The following DNAI3 variants were observed in gnomAD, a reference collection of about 807,000 sequenced individuals.
DNAI3 encodes the protein dynein axonemal intermediate chain 3, also known as WD repeat domain 63.
Under a neutral mutation model 115.5 loss-of-function variants are expected in DNAI3, and 83 were observed. The ratio of observed to expected loss-of-function variants is 0.72; its 90% CI spans 0.60 to 0.86. The LOEUF (loss-of-function observed/expected upper bound fraction) is 0.86. Ranked by LOEUF, DNAI3 falls within the 40% of genes least tolerant of loss-of-function variation. The pLI is 0.00. For synonymous variants in DNAI3, 320 were observed against 347.0 expected (o/e 0.92, Z 0.86); for missense variants, 1,004 against 1,075.8 (o/e 0.93, Z 0.93).
chr1:85,090,131 T>C lies in DNAI3; in HGVS notation c.756T>C (p.Asn252=), dbSNP rs1320739761. The change falls in exon 8 of 23, where the codon AAT becomes AAC. Residue 252 remains asparagine, a synonymous_variant. Transcript: ENST00000294664. ...STQTKWTYPK[N]ATTQYYPREF... ...AATATATTAGGACATATCCTAAAAA[T>C]GCTACTACGCAATATTATCCAAGAG... 1 of 1,558,714 alleles carries C rather than the reference T, an allele frequency of 6.4e-7. No homozygotes were observed. The highest frequency in any genetic ancestry group is 8.6e-7 in the Non-Finnish European group (1 of 1,156,174).
In DNAI3 at chr1:85,098,409, T is replaced by C; in HGVS notation, c.1351-121T>C. 7 of 1,175,146 alleles carry C rather than the reference T, an allele frequency of 6.0e-6. No homozygotes were observed. In the South Asian group the frequency reaches 1.1e-4, roughly 19 times the overall value. 72.8% of individuals were successfully genotyped at this position (1,175,146 alleles called of 1,614,324 possible). A position where few individuals can be genotyped will look rare whatever the true frequency, so the allele number is the denominator to read the frequency against. On this transcript the variant is annotated intron_variant, in intron 12 of 22. Coordinates refer to ENST00000294664, the MANE Select transcript of DNAI3 (RefSeq NM_145172.5). ...TATGATATAGAGAAACACTAATTTA[T>C]GTTTTTCCTTGAACTGGTATATCTC...
chr1:85,071,757 A>G (rs1654283239), intron 1 of DNAI3, among the ~76,000 whole-genome samples, 171 bp from the exon 2 acceptor site: 1 of 152,246 alleles, frequency 6.6e-6, no homozygotes, highest in Admixed American at 6.5e-5. Context: ...TGTTGTTGCA[A>G]TAAGCCTTTG....
chr1:85,064,236 C>T (rs1310891796), intron 1 of DNAI3, among the ~76,000 whole-genome samples: 2 of 151,972 alleles, frequency 1.3e-5, no homozygotes, highest in African/African-American at 2.4e-5. Flanking sequence ...ATGTTAAAGA[C>T]CTGAACCAGA....
chr1:85,071,820 CT>C (rs1654285366), intron 1 of DNAI3, 107 bp from the exon 2 acceptor site: 2 of 1,160,378 alleles, frequency 1.7e-6, no homozygotes, highest in African/African-American at 1.6e-5. Flanking sequence ...CAGGGTAAAT[CT>C]TAGAAAACAT....
chr1:85,103,222 C>T (rs1655381124), intron 13 of DNAI3, among the ~76,000 whole-genome samples: 1 of 152,146 alleles, frequency 6.6e-6, no homozygotes, highest in African/African-American at 2.4e-5. Context: ...CATGCGTTTC[C>T]CTCTCAGTTC....
At chr1:85,121,854 T>C (rs766474984) in intron 18 of DNAI3, 40 bp downstream of exon 18, 10 of 1,604,648 alleles carry the variant, frequency 6.2e-6, no homozygotes, top group Non-Finnish European at 7.7e-6. Context: ...AAGATGTTCC[T>C]TTTAATTTAA....
chr1:85,132,613 C>A lies in DNAI3; in HGVS notation c.2533-242C>A, dbSNP rs532057957. On this transcript the variant is annotated intron_variant, in intron 22 of 22. Transcript: ENST00000294664. ...GAAACAAGAGTTATAGGGAAGAAGG[C>A]CGGAAAAAGGGACTTTTTTTTGAGA... Among the ~76,000 whole-genome samples, 3 of 151,420 alleles carry A rather than the reference C, an allele frequency of 2.0e-5. No individual in the cohort carries two copies. The South Asian group carries it at 6.3e-4, about 32-fold the overall frequency.
Position 85,121,763 on chromosome 1 carries a change from A to G in DNAI3, c.1930A>G (p.Ile644Val), listed in dbSNP as rs1360399222. Residue 644 changes from isoleucine (I) to valine (V), a missense_variant, in exon 18 of 23, where the codon ATA (isoleucine) becomes GTA (valine). Coordinates refer to ENST00000294664, the MANE Select transcript of DNAI3 (RefSeq NM_145172.5). ...FFVGTEEGEV[I>V]YTDWKMEKDP... Reference sequence around the variant, plus strand: ...GTAATATTTTTAGGAAGGCGAAGTGATATACACAGATTGGAAAATGGAAAA... The same window carrying G: ...GTAATATTTTTAGGAAGGCGAAGTGGTATACACAGATTGGAAAATGGAAAA... 1 of 1,614,078 alleles carries G rather than the reference A, an allele frequency of 6.2e-7. No homozygotes were observed. The highest frequency in any genetic ancestry group is 1.7e-5 in the Admixed American group (1 of 60,014).
chr1:85,100,405 A>G (rs1008985440), intron 13 of DNAI3, among the ~76,000 whole-genome samples: 3 of 152,234 alleles, frequency 2.0e-5, no homozygotes, highest in Non-Finnish European at 2.9e-5. Flanking sequence ...GAAAAATGCA[A>G]ATCAAAACCA....
intron 1 of DNAI3, among the ~76,000 whole-genome samples, chr1:85,069,595 C>G (rs960928366): frequency 6.6e-6 from 1 of 151,902 alleles, no homozygotes; most frequent in African/African-American, 2.4e-5. Context: ...ACCATGTTGG[C>G]CAGGTTGATC....
rs1655873440 is a variant in DNAI3 at position 85,117,699 on chromosome 1, G to A, written c.1787-30G>A. On this transcript the variant is annotated intron_variant, in intron 16 of 22. Coordinates refer to ENST00000294664, the MANE Select transcript of DNAI3 (RefSeq NM_145172.5). ...TTAAAAGATGTTTCCCTGTAAATATGTACTTCTTCTACCCACACTCCTCTG... is the reference window on the plus strand; with the variant it reads ...TTAAAAGATGTTTCCCTGTAAATATATACTTCTTCTACCCACACTCCTCTG... The A allele has an allele frequency of 3.7e-6, 6 of 1,605,676 alleles. No individual in the cohort carries two copies. In the Admixed American group the frequency reaches 5.0e-5, roughly 13 times the overall value.
At chr1:85,089,334 T>C (rs1156363697) in intron 7 of DNAI3, among the ~76,000 whole-genome samples, 1 of 150,840 alleles carries the variant, frequency 6.6e-6, no homozygotes, top group Non-Finnish European at 1.5e-5. Flanking sequence ...GAATCCACAC[T>C]CTTAATGATT....
At chr1:85,118,694 G>A (rs1441881148) in intron 17 of DNAI3, among the ~76,000 whole-genome samples, 3 of 152,120 alleles carry the variant, frequency 2.0e-5, no homozygotes, top group Non-Finnish European at 4.4e-5. Flanking sequence ...GATCAGAAGT[G>A]AATAGCATGG....
At chr1:85,077,881 A>T (rs1263595219) in intron 3 of DNAI3, among the ~76,000 whole-genome samples, 1 of 152,216 alleles carries the variant, frequency 6.6e-6, no homozygotes, top group Non-Finnish European at 1.5e-5. Context: ...ATGTTAAAAA[A>T]AAAAAAGAAT....
chr1:85,107,284 A>G (rs554941377), intron 14 of DNAI3, among the ~76,000 whole-genome samples: 8 of 152,230 alleles, frequency 5.3e-5, no homozygotes, highest in Non-Finnish European at 1.2e-4. Flanking sequence ...CACTGGCAGC[A>G]TTTATAATAG....
intron 13 of DNAI3, among the ~76,000 whole-genome samples, chr1:85,100,718 C>A (rs1330265765): frequency 6.6e-6 from 1 of 152,132 alleles, no homozygotes; most frequent in Non-Finnish European, 1.5e-5. Context: ...GACTTGGAAC[C>A]AACTCAAATG....
intron 1 of DNAI3, among the ~76,000 whole-genome samples, chr1:85,068,900 G>A (rs753465645): frequency 6.6e-6 from 1 of 152,202 alleles, no homozygotes; most frequent in Non-Finnish European, 1.5e-5. Flanking sequence ...GCATTATGTA[G>A]TTCCATTAGC....
At chr1:85,131,124 A>C (rs908761587) in intron 22 of DNAI3, among the ~76,000 whole-genome samples, 3 of 152,146 alleles carry the variant, frequency 2.0e-5, no homozygotes, top group Non-Finnish European at 1.5e-5. Context: ...AAACACAGTT[A>C]CTCACATGAG....
chr1:85,116,171 AC>A lies in DNAI3; in HGVS notation c.1787-1557del, dbSNP rs1655810984. 5.3e-5 allele frequency among the ~76,000 whole-genome samples: 8 copies of A among 152,104 alleles called. No homozygotes were observed. The South Asian group carries it at 1.7e-3, about 32-fold the overall frequency. ...AACACAGTCTACCTGCATGGCTCTA[AC>A]TTTTATCTCTGCTGAGAATTCTCCA... On this transcript the variant is annotated intron_variant, in intron 16 of 22. Coordinates refer to ENST00000294664, the MANE Select transcript of DNAI3 (RefSeq NM_145172.5).
Sources: allele counts gnomAD v4.1 joint callset (sites outside exome capture counted in the v4.1 genomes callset), GRCh38; gene constraint gnomAD v4.1.1; transcripts MANE v1.5; gene names NCBI Gene and HGNC (gene_info 2026-07-23, HGNC 2026-07-21).